Variants in CBFB observed in about 807,000 individuals in gnomAD.
CBFB encodes the protein CBF-beta.
A neutral mutation model predicts 30.4 loss-of-function variants in CBFB; 9 were observed. That is an observed-to-expected ratio of 0.30 (90% CI 0.18 to 0.52). The LOEUF is 0.52. Among genes scored for constraint, CBFB ranks in the 20% least tolerant of loss-of-function variants. The pLI is 0.97. For synonymous variants in CBFB, 94 were observed against 84.0 expected, an observed-to-expected ratio of 1.12 and a Z score of -0.65; for missense variants, 170 against 244.0, an observed-to-expected ratio of 0.70 and a Z score of 2.02.
intron 2 of CBFB, among the ~76,000 whole-genome samples, chr16:67,030,986 A>G (rs930329052): frequency 1.3e-5 from 2 of 152,212 alleles, no homozygotes; most frequent in Non-Finnish European, 2.9e-5. Flanking sequence ...AGAGGCTTGA[A>G]GCTAGGTGCG....
chr16:67,092,053 C>T (rs1026106255), intron 5 of CBFB, among the ~76,000 whole-genome samples: 1 of 150,380 alleles, frequency 6.6e-6, no homozygotes, highest in Non-Finnish European at 1.5e-5. Context: ...AATGCTCTCC[C>T]TCCCCTTCCC....
intron 4 of CBFB, among the ~76,000 whole-genome samples, chr16:67,067,686 T>G (rs1328884988): frequency 6.6e-6 from 1 of 152,052 alleles, no homozygotes; most frequent in Non-Finnish European, 1.5e-5. Flanking sequence ...CCATGAGCAC[T>G]GGTAGATCTG....
At chr16:67,053,772 A>G (rs1294688607) in intron 3 of CBFB, among the ~76,000 whole-genome samples, 1 of 151,812 alleles carries the variant, frequency 6.6e-6, no homozygotes, top group Admixed American at 6.6e-5. Flanking sequence ...ATGTGGAGGA[A>G]TATGGTCAGA....
rs768262180 is a variant in CBFB at position 67,082,370 on chromosome 16, T to C, written c.495+62T>C. The C allele has an allele frequency of 2.2e-5, 34 of 1,578,484 alleles. No individual in the cohort carries two copies. The South Asian group carries it at 3.7e-4, about 17-fold the overall frequency. On this transcript the variant is annotated intron_variant, in intron 5 of 5. Coordinates refer to ENST00000412916, the MANE Select transcript of CBFB (RefSeq NM_022845.3). ...TACTTTCCCCCAAACTCTCAGGCTGTGTTTGTGATGTTTGTGCATAATGCT... is the reference window on the plus strand; with the variant it reads ...TACTTTCCCCCAAACTCTCAGGCTGCGTTTGTGATGTTTGTGCATAATGCT...
intron 3 of CBFB, among the ~76,000 whole-genome samples, chr16:67,054,815 C>T (rs1028177285): frequency 6.6e-6 from 1 of 152,012 alleles, no homozygotes; most frequent in African/African-American, 2.4e-5. Flanking sequence ...TGCAGTGGTG[C>T]GATCTCGCCT....
intron 2 of CBFB, among the ~76,000 whole-genome samples, chr16:67,034,936 T>C (rs1966415638): frequency 6.6e-6 from 1 of 152,210 alleles, no homozygotes; most frequent in African/African-American, 2.4e-5. Flanking sequence ...TTAAGCACTT[T>C]ACAAATAATT....
At chr16:67,052,134 C>T (rs942726663) in intron 3 of CBFB, among the ~76,000 whole-genome samples, 4 of 152,170 alleles carry the variant, frequency 2.6e-5, no homozygotes, top group Non-Finnish European at 5.9e-5. Flanking sequence ...CCTGCCTCAG[C>T]CTCCCGCAGT....
chr16:67,083,298 AT>A (rs774691069), intron 5 of CBFB, among the ~76,000 whole-genome samples: 267 of 143,292 alleles, frequency 1.9e-3, no homozygotes, highest in Admixed American at 1.8e-3. Context: ...CATTATTTTG[AT>A]TTTTTTTTTT....
chr16:67,055,649 C>A (rs1309073385), intron 3 of CBFB, among the ~76,000 whole-genome samples: 1 of 151,870 alleles, frequency 6.6e-6, no homozygotes, highest in African/African-American at 2.4e-5. Context: ...AGCCACCACA[C>A]CCGGCCTCCA....
intron 3 of CBFB, among the ~76,000 whole-genome samples, chr16:67,044,818 A>G (rs1966594746): frequency 6.6e-6 from 1 of 152,186 alleles, no homozygotes; most frequent in South Asian, 2.1e-4. Flanking sequence ...TAAGCTCAAG[A>G]AGTTCCTTCT....
At chr16:67,065,524 G>A (rs1013944912) in intron 3 of CBFB, among the ~76,000 whole-genome samples, 1 of 152,088 alleles carries the variant, frequency 6.6e-6, no homozygotes, top group Non-Finnish European at 1.5e-5. Context: ...GCTTGGTTAA[G>A]TTTATTCATT....
intron 3 of CBFB, among the ~76,000 whole-genome samples, chr16:67,039,307 T>A (rs781758500): frequency 2.0e-5 from 3 of 152,150 alleles, no homozygotes; most frequent in African/African-American, 7.2e-5. Flanking sequence ...AGAAAAGATA[T>A]GGTAAAAATA....
intron 3 of CBFB, among the ~76,000 whole-genome samples, chr16:67,038,010 T>A (rs1966470123): frequency 6.6e-6 from 1 of 152,042 alleles, no homozygotes; most frequent in Admixed American, 6.6e-5. Flanking sequence ...GGTTGATTCT[T>A]GATTGAGAAG....
Position 67,036,665 on chromosome 16 carries a change from G to C in CBFB, c.192G>C (p.Leu64=), listed in dbSNP as rs1339180237. The part of the protein sequence containing the change: ...EIAFVATGTN[L]SLQFFPASWQ... Reference sequence around the variant, plus strand: ...CTTTTGTGGCCACAGGAACCAATCTGTCTCTCCAGTTTTTTCCGGCCAGCT... The same window carrying C: ...CTTTTGTGGCCACAGGAACCAATCTCTCTCTCCAGTTTTTTCCGGCCAGCT... The change falls in exon 3 of 6, where the codon CTG becomes CTC. Residue 64 remains leucine (L), a synonymous_variant. Transcript: ENST00000412916. The C allele has an allele frequency of 6.2e-7, 1 of 1,613,426 alleles. No homozygotes were observed. Among genetic ancestry groups the C allele is most frequent in the Non-Finnish European group, 8.5e-7 (1 of 1,179,388 alleles).
chr16:67,082,129 G>GGAA, intron 4 of CBFB, 84 bp from the exon 5 acceptor site: 3 of 864,586 alleles, frequency 3.5e-6, no homozygotes, highest in Non-Finnish European at 3.1e-6. Context: ...ACTGTTTCAG[G>GGAA]AAAAAAAAAA....
At chr16:67,095,660 C>G (rs1187429305) in intron 5 of CBFB, among the ~76,000 whole-genome samples, 1 of 150,408 alleles carries the variant, frequency 6.6e-6, no homozygotes, top group Non-Finnish European at 1.5e-5. Context: ...CACTGCACTC[C>G]AGCCTGGGCA....
At chr16:67,036,153 C>CAATT (rs1467099617) in intron 2 of CBFB, among the ~76,000 whole-genome samples, 1 of 152,122 alleles carries the variant, frequency 6.6e-6, no homozygotes, top group Non-Finnish European at 1.5e-5. Flanking sequence ...AGAGGAGAGA[C>CAATT]AATTCCAAGT....
At position 67,098,923 on chromosome 16, in the gene CBFB, A is replaced by G. The variant is rs76848151; in HGVS notation, c.*145A>G. 587 of 574,058 alleles carry G rather than the reference A, an allele frequency of 1.0e-3. 5 individuals carry two copies. The African/African-American group carries it at 0.01, about 10-fold the overall frequency. 35.6% of individuals were successfully genotyped at this position (574,058 alleles called of 1,614,324 possible). On this transcript the variant is annotated 3_prime_UTR_variant, in exon 6 of 6. Coordinates refer to ENST00000412916, the MANE Select transcript of CBFB (RefSeq NM_022845.3). ...AACCTTAGGCAGTAATAGACATCAC[A>G]AACTGCCATGGTTTTGCACTATGAT...
intron 2 of CBFB, among the ~76,000 whole-genome samples, chr16:67,031,015 A>G (rs934318886): frequency 1.3e-5 from 2 of 152,258 alleles, no homozygotes; most frequent in African/African-American, 2.4e-5. Flanking sequence ...TTGGGTTAAC[A>G]GTAGGAAGAC....
Sources: gnomAD v4.1 joint callset for allele counts (sites outside exome capture counted in the v4.1 genomes callset) on GRCh38, gnomAD v4.1.1 for gene constraint, MANE v1.5 for transcripts, NCBI Gene and HGNC (gene_info 2026-07-23, HGNC 2026-07-21) for gene names.